Variants in ADAMTS12 observed in about 807,000 individuals in gnomAD.
ADAMTS12 encodes the protein ADAM metallopeptidase with thrombospondin type 1 motif 12, also known as A disintegrin and metalloproteinase with thrombospondin motifs 12.
Under a neutral mutation model 167.8 loss-of-function variants are expected in ADAMTS12, and 118 were observed. That is an observed-to-expected ratio of 0.70 (90% CI 0.61 to 0.82). ADAMTS12 has a LOEUF of 0.82. Ranked by LOEUF, ADAMTS12 falls within the 40% of genes least tolerant of loss-of-function variation. The pLI, the probability that ADAMTS12 is intolerant of heterozygous loss-of-function variation, is 0.00. For missense variants in ADAMTS12, 1,916 were observed against 1,998.8 expected, an observed-to-expected ratio of 0.96 and a Z score of 0.79; for synonymous variants, 704 against 716.9, an observed-to-expected ratio of 0.98 and a Z score of 0.29.
At chr5:33,796,670 T>C (rs28617301) in intron 2 of ADAMTS12, among the ~76,000 whole-genome samples, 1 of 152,106 alleles carries the variant, frequency 6.6e-6, no homozygotes, top group African/African-American at 2.4e-5. Flanking sequence ...CATACCAGCA[T>C]GGGCCTCAGA....
Position 33,527,037 on chromosome 5 carries a change from C to T in ADAMTS12, c.*151G>A, listed in dbSNP as rs191040332. ...GCCTCCTGTGAGGGACATTCGGTGG[C>T]TAGAGGAACACAATGGATTTTGTTT... On this transcript the variant is annotated 3_prime_UTR_variant, in exon 24 of 24. Transcript: ENST00000504830. 2.7e-5 allele frequency: 28 copies of T among 1,031,894 alleles called. No homozygotes were observed. Among genetic ancestry groups the T allele is most frequent in the South Asian group, 2.1e-4 (13 of 61,626 alleles). 63.9% of individuals were successfully genotyped at this position (1,031,894 alleles called of 1,614,324 possible). A position where few individuals can be genotyped will look rare whatever the true frequency, so the allele number is the denominator to read the frequency against.
At chr5:33,881,086 G>A (rs1249710279) in intron 2 of ADAMTS12, 33 bp downstream of exon 2, 5 of 1,602,860 alleles carry the variant, frequency 3.1e-6, no homozygotes, top group East Asian at 2.2e-5. Flanking sequence ...AGGGGCCAGG[G>A]CAGAGGAAGG....
At chr5:33,645,429 T>A (rs1229002639) in intron 9 of ADAMTS12, among the ~76,000 whole-genome samples, 1 of 152,122 alleles carries the variant, frequency 6.6e-6, no homozygotes, top group Non-Finnish European at 1.5e-5. Context: ...CGCGGCTTCA[T>A]GCAAAGGTCT....
intron 2 of ADAMTS12, among the ~76,000 whole-genome samples, chr5:33,830,832 AGTATAT>A (rs1444212627): frequency 7.2e-5 from 11 of 152,180 alleles, no homozygotes; most frequent in Non-Finnish European, 1.2e-4. Flanking sequence ...CACTTATATC[AGTATAT>A]GTATATACTG....
At chr5:33,730,945 G>A (rs979611698) in intron 3 of ADAMTS12, among the ~76,000 whole-genome samples, 4 of 152,088 alleles carry the variant, frequency 2.6e-5, no homozygotes, top group Admixed American at 6.5e-5. Flanking sequence ...GAGTCAGACA[G>A]ACCCGGATAC....
chr5:33,872,657 C>T (rs1358786707), intron 2 of ADAMTS12, among the ~76,000 whole-genome samples: 4 of 152,132 alleles, frequency 2.6e-5, no homozygotes, highest in African/African-American at 9.7e-5. Context: ...TATAAGAAGA[C>T]ATTTGCTCTG....
rs943004721 is a variant in ADAMTS12 at position 33,558,508 on chromosome 5, AAG to A, written c.4125+2517_4125+2518del. Among the ~76,000 whole-genome samples the A allele has an allele frequency of 2.2e-3, 337 of 151,606 alleles. 1 individual carries two copies. The highest frequency in any genetic ancestry group is 7.8e-3 in the African/African-American group (323 of 41,412). On this transcript the variant is annotated intron_variant, in intron 20 of 23. Coordinates refer to ENST00000504830, the MANE Select transcript of ADAMTS12 (RefSeq NM_030955.4). ...ATATCTGCAACCCTAAAGGCCATGA[AAG>A]AGAGAGAGAGAGGGGCATGAGAGAC... is the stretch of plus-strand genomic sequence containing the variant.
At chr5:33,633,667 G>C (rs4866405) in intron 12 of ADAMTS12, among the ~76,000 whole-genome samples, 119,375 of 151,846 alleles carry the variant, frequency 0.79, 48,480 homozygotes, top group Non-Finnish European at 0.89. Flanking sequence ...TGGAAGGGCT[G>C]TGGTTATATC....
chr5:33,819,748 A>T (rs929612486), intron 2 of ADAMTS12, among the ~76,000 whole-genome samples: 1 of 152,128 alleles, frequency 6.6e-6, no homozygotes, highest in African/African-American at 2.4e-5. Flanking sequence ...TGTAGTAAGG[A>T]CTAAGGAGCC....
At chr5:33,531,447 C>T (rs757463649) in intron 23 of ADAMTS12, among the ~76,000 whole-genome samples, 14 of 152,146 alleles carry the variant, frequency 9.2e-5, no homozygotes, top group Non-Finnish European at 1.8e-4. Context: ...ATTTGATTGT[C>T]GCAGAAATCA....
At chr5:33,850,222 G>T (rs2111644529) in intron 2 of ADAMTS12, among the ~76,000 whole-genome samples, 1 of 152,260 alleles carries the variant, frequency 6.6e-6, no homozygotes, top group East Asian at 1.9e-4. Context: ...GGTGAAAGGG[G>T]ACTTCCTGAC....
chr5:33,544,048 A>G (rs1014089237), intron 22 of ADAMTS12, among the ~76,000 whole-genome samples: 4 of 152,226 alleles, frequency 2.6e-5, no homozygotes, highest in African/African-American at 4.8e-5. Context: ...AGTGTATTCA[A>G]TTAGGAAAAG....
chr5:33,659,556 C>T (rs1222752493), intron 6 of ADAMTS12, among the ~76,000 whole-genome samples: 1 of 152,178 alleles, frequency 6.6e-6, no homozygotes, highest in Non-Finnish European at 1.5e-5. Flanking sequence ...ACATTAAATA[C>T]TGATTATAGA....
At position 33,649,572 on chromosome 5, in the gene ADAMTS12, T is replaced by C. The variant is rs1296306332; in HGVS notation, c.1316A>G (p.Tyr439Cys). The part of the protein sequence containing the change: ...PLTWSKCSEE[Y>C]ITRFLDRGWG... Reference sequence around the variant, plus strand: ...CACTTACTCCAAGAAGCGGGTGATGTACTCCTCGCTGCACTTGGACCATGT... The same window carrying C: ...CACTTACTCCAAGAAGCGGGTGATGCACTCCTCGCTGCACTTGGACCATGT... Residue 439 changes from tyrosine to cysteine, a missense_variant, in exon 8 of 24, where the codon TAC becomes TGC. Coordinates refer to ENST00000504830, the MANE Select transcript of ADAMTS12 (RefSeq NM_030955.4). 1.2e-6 allele frequency: 2 copies of C among 1,613,886 alleles called. No homozygotes were observed. The highest frequency in any genetic ancestry group is 1.7e-5 in the Admixed American group (1 of 60,020).
chr5:33,782,891 G>T (rs1209092249), intron 2 of ADAMTS12, among the ~76,000 whole-genome samples: 1 of 151,972 alleles, frequency 6.6e-6, no homozygotes, highest in Non-Finnish European at 1.5e-5. Flanking sequence ...CAAAAATCAA[G>T]AAGGATTTAG....
At chr5:33,608,146 TC>T (rs1440966386) in intron 16 of ADAMTS12, among the ~76,000 whole-genome samples, 1 of 152,214 alleles carries the variant, frequency 6.6e-6, no homozygotes, top group African/African-American at 2.4e-5. Flanking sequence ...TTCATCTGTT[TC>T]CTTTGTAACA....
rs760392962 is a variant in ADAMTS12, at chr5:33,576,163, T to G, written c.3863A>C (p.Glu1288Ala). 3 of 1,614,114 alleles carry G rather than the reference T, an allele frequency of 1.9e-6. No individual in the cohort carries two copies. The highest frequency in any genetic ancestry group is 2.5e-6 in the Non-Finnish European group (3 of 1,180,050). ...TKSSEPVLTE[E>A]DATSLITEGF... ...CTCAGTAATCAGACTTGTTGCATCC[T>G]CCTCAGTCAGGACTGGTTCAGAACT... Residue 1288 changes from glutamate (E) to alanine (A), a missense_variant, in exon 19 of 24, where the codon GAG (glutamate) becomes GCG (alanine). Physicochemically the swap from Glu to Ala is moderately radical, Grantham distance 107. Transcript: ENST00000504830.
intron 2 of ADAMTS12, among the ~76,000 whole-genome samples, chr5:33,850,309 G>C (rs562600993): frequency 6.6e-6 from 1 of 152,154 alleles, no homozygotes; most frequent in East Asian, 1.9e-4. Flanking sequence ...TAAAAGAGAG[G>C]ATTAATCAGA....
At chr5:33,743,627 G>A (rs1744677414) in intron 3 of ADAMTS12, among the ~76,000 whole-genome samples, 2 of 152,190 alleles carry the variant, frequency 1.3e-5, no homozygotes, top group Admixed American at 1.3e-4. Context: ...GTCTGGCACA[G>A]TGTGAGTGTG....
Sources: allele counts gnomAD v4.1 joint callset (sites outside exome capture counted in the v4.1 genomes callset), GRCh38; gene constraint gnomAD v4.1.1; transcripts MANE v1.5; gene names NCBI Gene and HGNC (gene_info 2026-07-23, HGNC 2026-07-21).